The following VPS13B variants were observed in gnomAD, a reference collection of about 807,000 sequenced individuals.
The protein encoded by VPS13B is vacuolar protein sorting 13 homolog B, also known as intermembrane lipid transfer protein VPS13B.
Under a neutral mutation model 426.4 loss-of-function variants are expected in VPS13B, and 285 were observed. The observed-to-expected ratio is 0.67, with a 90% CI of 0.61 to 0.74. The LOEUF (loss-of-function observed/expected upper bound fraction) is 0.74, where lower values mean the gene tolerates loss of function less well. Among genes scored for constraint, VPS13B ranks in the 30% least tolerant of loss-of-function variants. VPS13B has a pLI of 0.00. For missense variants in VPS13B, 4,537 were observed against 4,782.6 expected (o/e 0.95, Z 1.51); for synonymous variants, 1,676 against 1,676.4 (o/e 1.00, Z 0.01).
intron 19 of VPS13B, among the ~76,000 whole-genome samples, chr8:99,373,099 G>A (rs1299183380): frequency 3.3e-5 from 5 of 152,136 alleles, no homozygotes; most frequent in African/African-American, 4.8e-5. Context: ...TCACTCATAA[G>A]TGGGAGTTGA....
At chr8:99,367,035 C>T (rs997644168) in intron 19 of VPS13B, among the ~76,000 whole-genome samples, 2 of 152,190 alleles carry the variant, frequency 1.3e-5, no homozygotes, top group Non-Finnish European at 2.9e-5. Flanking sequence ...GTAGTTTGTA[C>T]ACCACAATTA....
chr8:99,297,516 G>A (rs1820110317), intron 19 of VPS13B, among the ~76,000 whole-genome samples: 1 of 138,172 alleles, frequency 7.2e-6, no homozygotes, highest in Non-Finnish European at 1.5e-5. Context: ...TTCATATTGA[G>A]TAATATGTAA....
chr8:99,536,059 C>T (rs1371050163), intron 30 of VPS13B, among the ~76,000 whole-genome samples: 5 of 151,432 alleles, frequency 3.3e-5, no homozygotes, highest in African/African-American at 1.2e-4. Flanking sequence ...AAGCAATTCT[C>T]CTGCCTCAGA....
In VPS13B at chr8:99,173,923, A is replaced by T. The variant is rs186939206; in HGVS notation, c.2333+3760A>T. 9.6e-3 allele frequency among the ~76,000 whole-genome samples: 1,457 copies of T among 152,336 alleles called. 12 individuals are homozygous for T. The highest frequency in any genetic ancestry group is 0.013 in the Non-Finnish European group (876 of 68,028). ...CATTTTGCTTAAAACAATTGCTATT[A>T]CTATTTCAAAAAATAACTATTTTTA... On this transcript the variant is annotated intron_variant, in intron 16 of 61. Coordinates refer to ENST00000357162, the MANE Select transcript of VPS13B (RefSeq NM_152564.5).
intron 14 of VPS13B, among the ~76,000 whole-genome samples, chr8:99,154,159 G>GTTT (rs375134323): frequency 7.3e-6 from 1 of 136,432 alleles, no homozygotes; most frequent in African/African-American, 2.7e-5. Context: ...GGTTTTTTTT[G>GTTT]TTTTTTTTTT....
intron 2 of VPS13B, among the ~76,000 whole-genome samples, chr8:99,035,336 C>T (rs1842694178): frequency 6.6e-6 from 1 of 152,146 alleles, no homozygotes; most frequent in Non-Finnish European, 1.5e-5. Flanking sequence ...TTTTACCTTT[C>T]CCCTGCCCCA....
chr8:99,140,755 T>G (rs1432959066), intron 12 of VPS13B, among the ~76,000 whole-genome samples: 1 of 150,194 alleles, frequency 6.7e-6, no homozygotes, highest in African/African-American at 2.4e-5. Context: ...CAACTGAAAC[T>G]CTGGAAAAAT....
At chr8:99,313,365 T>C (rs1049921655) in intron 19 of VPS13B, among the ~76,000 whole-genome samples, 1 of 152,198 alleles carries the variant, frequency 6.6e-6, no homozygotes, top group Non-Finnish European at 1.5e-5. Flanking sequence ...GTCCTTTCTG[T>C]TTGTTAGTTT....
chr8:99,541,888 A>C (rs1422659657), intron 30 of VPS13B, among the ~76,000 whole-genome samples: 1 of 152,160 alleles, frequency 6.6e-6, no homozygotes, highest in African/African-American at 2.4e-5. Context: ...TGTTAAACAT[A>C]ATTATTGCTG....
intron 19 of VPS13B, among the ~76,000 whole-genome samples, chr8:99,297,369 T>G (rs1049107173): frequency 6.6e-6 from 1 of 151,302 alleles, no homozygotes. Flanking sequence ...TATTAATCCT[T>G]GTAATCACAT....
intron 33 of VPS13B, among the ~76,000 whole-genome samples, chr8:99,622,132 T>A (rs1828383822): frequency 6.6e-6 from 1 of 152,148 alleles, no homozygotes; most frequent in Non-Finnish European, 1.5e-5. Flanking sequence ...TTGTGCAAAT[T>A]TTTTGCAAGG....
At chr8:99,250,706 A>G (rs1478594191) in intron 17 of VPS13B, among the ~76,000 whole-genome samples, 5 of 74,972 alleles carry the variant, frequency 6.7e-5, no homozygotes, top group African/African-American at 2.7e-4. Context: ...TTTTTTTGAG[A>G]CAAGGTCTTG....
chr8:99,866,779 C>T (rs1254902931), intron 58 of VPS13B, among the ~76,000 whole-genome samples: 1 of 152,224 alleles, frequency 6.6e-6, no homozygotes, highest in East Asian at 1.9e-4. Flanking sequence ...GCCTGTCCCT[C>T]AGTGTGGCCA....
chr8:99,640,025 T>TAAGAAGAAG (rs1200705406), intron 33 of VPS13B, among the ~76,000 whole-genome samples: 5 of 104,320 alleles, frequency 4.8e-5, no homozygotes, highest in African/African-American at 1.1e-4. Context: ...ATAATAATAA[T>TAAGAAGAAG]AAGAAGAAGA....
intron 22 of VPS13B, among the ~76,000 whole-genome samples, chr8:99,439,635 TA>T (rs1355988943): frequency 6.6e-6 from 1 of 152,080 alleles, no homozygotes; most frequent in African/African-American, 2.4e-5. Flanking sequence ...AAGTTGTAAA[TA>T]AAAATAAATA....
At position 99,038,472 on chromosome 8, in the gene VPS13B, G is replaced by A. The variant is rs1842837855; in HGVS notation, c.197G>A (p.Arg66Lys). Residue 66 changes from arginine (R) to lysine (K), a missense_variant, in exon 3 of 62, where the codon AGG becomes AAG. By Grantham distance (26) the Arg-to-Lys change is conservative. This residue lies in a region of VPS13B where 226 missense variants were observed against 308.3 expected (regional missense o/e 0.73). Transcript: ENST00000357162. ...TTAAGTGGACATATTCATGAATTGA[G>A]GATTCATGTACCATGGACAAAACTG... is the stretch of plus-strand genomic sequence containing the variant. ...TFLSGHIHEL[R>K]IHVPWTKLGS... is the part of the protein sequence containing the mutation. The A allele has an allele frequency of 6.2e-7, 1 of 1,608,816 alleles. No homozygotes were observed. Among genetic ancestry groups the A allele is most frequent in the South Asian group, 1.1e-5 (1 of 90,446 alleles).
chr8:99,053,282 CCTCCCCG>C (rs761707844), intron 3 of VPS13B, among the ~76,000 whole-genome samples: 22 of 151,946 alleles, frequency 1.4e-4, no homozygotes, highest in Non-Finnish European at 2.4e-4. Flanking sequence ...TAATGCTATC[CCTCCCCG>C]CTCCCCGCAC....
intron 44 of VPS13B, among the ~76,000 whole-genome samples, chr8:99,814,839 A>G (rs1353814433): frequency 2.0e-5 from 3 of 152,308 alleles, no homozygotes; most frequent in Non-Finnish European, 2.9e-5. Context: ...TTTATGTTAT[A>G]AAGAGCAGCC....
At chr8:99,731,679 A>G (rs1474399634) in intron 39 of VPS13B, among the ~76,000 whole-genome samples, 2 of 152,176 alleles carry the variant, frequency 1.3e-5, no homozygotes, top group Non-Finnish European at 2.9e-5. Flanking sequence ...AAGGAGAAAA[A>G]GAAATGAATG....
Sources: allele counts gnomAD v4.1 joint callset (sites outside exome capture counted in the v4.1 genomes callset), GRCh38; gene constraint gnomAD v4.1.1; regional missense constraint gnomAD v4.1.1; transcripts MANE v1.5; gene names NCBI Gene and HGNC (gene_info 2026-07-23, HGNC 2026-07-21).